The following PCDHGC3 variants were observed in gnomAD, a reference collection of about 807,000 sequenced individuals.
PCDHGC3 encodes the protein protocadherin gamma-C3.
In PCDHGC3, 26 loss-of-function variants were observed where a neutral mutation model predicts 59.2. That is an observed-to-expected ratio of 0.44 (90% CI 0.32 to 0.61). The LOEUF (loss-of-function observed/expected upper bound fraction) is 0.61, where lower values mean the gene tolerates loss of function less well. Ranked by LOEUF, PCDHGC3 falls within the 20% of genes least tolerant of loss-of-function variation. The probability of loss-of-function intolerance (pLI) is 0.05; values close to 1 mark genes in which losing one functional copy is unlikely to be tolerated. For missense variants in PCDHGC3, 1,080 were observed against 1,221.8 expected, an observed-to-expected ratio of 0.88 and a Z score of 1.73; for synonymous variants, 487 against 519.7, an observed-to-expected ratio of 0.94 and a Z score of 0.86.
rs529029548 is a variant in PCDHGC3 at position 141,483,337 on chromosome 5, T to C, written c.2430+4791T>C. 9.2e-5 allele frequency among the ~76,000 whole-genome samples: 14 copies of C among 152,260 alleles called. No homozygotes were observed. In the East Asian group the frequency reaches 2.5e-3, roughly 27 times the overall value. On this transcript the variant is annotated intron_variant, in intron 1 of 3. Transcript: ENST00000308177. Reference sequence around the variant, plus strand: ...TGGGACTGGAGGCAAAGAGATCTTATCTCTTTGCAATAGTTTGAAAGCTAT... The same window carrying C: ...TGGGACTGGAGGCAAAGAGATCTTACCTCTTTGCAATAGTTTGAAAGCTAT...
chr5:141,496,876 A>G (rs964149656), intron 2 of PCDHGC3, among the ~76,000 whole-genome samples: 1 of 149,154 alleles, frequency 6.7e-6, no homozygotes, highest in African/African-American at 2.5e-5. Flanking sequence ...AAAATTTGCA[A>G]CAAGTAACAC....
chr5:141,505,334 G>T, intron 2 of PCDHGC3, 59 bp from the exon 3 acceptor site: 1 of 1,611,326 alleles, frequency 6.2e-7, no homozygotes, highest in Non-Finnish European at 8.5e-7. Context: ...GAGAGGACAG[G>T]AGGGGCATGA....
rs1445356223 is a variant in PCDHGC3, at chr5:141,490,414, G to T, written c.2431-4393G>T. On this transcript the variant is annotated intron_variant, in intron 1 of 3. Transcript: ENST00000308177. This position sits in a 1 kb window ranked among gnomAD's most constrained non-coding sequence, Gnocchi z 5.4. ...TGAAGTGAGCCTTGATATCTCTCCGGACCTGCCATTTCAGATTAAGCCTTC... is the reference window on the plus strand; with the variant it reads ...TGAAGTGAGCCTTGATATCTCTCCGTACCTGCCATTTCAGATTAAGCCTTC... The T allele has an allele frequency of 1.2e-6, 2 of 1,614,138 alleles. No homozygotes were observed. The highest frequency in any genetic ancestry group is 1.7e-6 in the Non-Finnish European group (2 of 1,180,024).
intron 3 of PCDHGC3, among the ~76,000 whole-genome samples, chr5:141,505,766 C>T (rs1420683619): frequency 2.0e-5 from 3 of 151,768 alleles, no homozygotes; most frequent in African/African-American, 4.8e-5. Context: ...CAGTGTAGCT[C>T]AGGTCCTAGC....
Position 141,485,373 on chromosome 5 carries a change from C to T in PCDHGC3, c.2430+6827C>T. 2 of 1,614,136 alleles carry T rather than the reference C, an allele frequency of 1.2e-6. No homozygotes were observed. Among genetic ancestry groups the T allele is most frequent in the East Asian group, 2.2e-5 (1 of 44,868 alleles). On this transcript the variant is annotated intron_variant, in intron 1 of 3. Transcript: ENST00000308177. This position sits in a 1 kb window ranked among gnomAD's most constrained non-coding sequence, Gnocchi z 5.7. ...CTGTCAGCTCGCAGGCTGCAGGTCG[C>T]TGGAGAGGTGAACCAAAGACACTTC... is the stretch of plus-strand genomic sequence containing the variant.
intron 2 of PCDHGC3, among the ~76,000 whole-genome samples, chr5:141,496,123 C>T (rs2099766207): frequency 6.6e-6 from 1 of 152,098 alleles, no homozygotes; most frequent in African/African-American, 2.4e-5. Flanking sequence ...CTTCCCTGCC[C>T]CTCACACACT....
In PCDHGC3 at chr5:141,477,590, C is replaced by T. The variant is rs1465863595; in HGVS notation, c.1474C>T (p.Leu492Phe). The change falls in exon 1 of 4, where the codon CTT becomes TTT. Residue 492 changes from leucine (L) to phenylalanine (F), a missense_variant. By Grantham distance (22) the Leu-to-Phe change is conservative (BLOSUM62 0). Coordinates refer to ENST00000308177, the MANE Select transcript of PCDHGC3 (RefSeq NM_002588.4). This position sits in a 1 kb window ranked among gnomAD's most constrained non-coding sequence, Gnocchi z 4.9. ...WDPDAPQNAR[L>F]SFFLLEQGAE... ...CCCCGACGCCCCGCAGAATGCTCGG[C>T]TTTCTTTCTTTCTCTTGGAGCAAGG... The T allele has an allele frequency of 1.2e-6, 2 of 1,614,122 alleles. No individual in the cohort carries two copies. Among genetic ancestry groups the T allele is most frequent in the South Asian group, 2.2e-5 (2 of 91,080 alleles).
At chr5:141,499,272 GT>G (rs772636179) in intron 2 of PCDHGC3, among the ~76,000 whole-genome samples, 3 of 152,122 alleles carry the variant, frequency 2.0e-5, no homozygotes, top group Non-Finnish European at 4.4e-5. Flanking sequence ...TCCCTAGACT[GT>G]TCTCTGATGG....
In PCDHGC3 at chr5:141,490,000, A is replaced by G. The variant is rs762999106; in HGVS notation, c.2431-4807A>G. The G allele has an allele frequency of 6.2e-7, 1 of 1,614,198 alleles. No individual in the cohort carries two copies. Among genetic ancestry groups the G allele is most frequent in the Admixed American group, 1.7e-5 (1 of 60,032 alleles). ...AGTTCTACGTGTGGGAATCCCAGAG[A>G]ATGCACCCATTGGTACTCTGCTGCT... On this transcript the variant is annotated intron_variant, in intron 1 of 3. Coordinates refer to ENST00000308177, the MANE Select transcript of PCDHGC3 (RefSeq NM_002588.4). The surrounding 1 kb of genome is among the most constrained non-coding windows in gnomAD (Gnocchi z 4.5).
At position 141,502,499 on chromosome 5, in the gene PCDHGC3, C is replaced by T. The variant is rs552402476; in HGVS notation, c.2490-2894C>T. ...CATCACACTGGGACTCATCTAACGT[C>T]GGCCTGTCCCACTATCAGTGATGCC... On this transcript the variant is annotated intron_variant, in intron 2 of 3. Coordinates refer to ENST00000308177, the MANE Select transcript of PCDHGC3 (RefSeq NM_002588.4). Among the ~76,000 whole-genome samples, 24 of 152,240 alleles carry T rather than the reference C, an allele frequency of 1.6e-4. No homozygotes were observed. In the East Asian group the frequency reaches 4.1e-3, roughly 26 times the overall value.
intron 3 of PCDHGC3, among the ~76,000 whole-genome samples, chr5:141,507,772 A>C (rs2099863177): frequency 6.6e-6 from 1 of 152,332 alleles, no homozygotes; most frequent in South Asian, 2.1e-4. Flanking sequence ...TGGCCCACAC[A>C]GGGCCTGACC....
intron 2 of PCDHGC3, among the ~76,000 whole-genome samples, chr5:141,501,476 A>T (rs1274017343): frequency 3.3e-5 from 5 of 152,044 alleles, no homozygotes; most frequent in Admixed American, 3.3e-4. Context: ...ATCCTGGAAG[A>T]GTCCCTCATA....
chr5:141,490,589 A>G lies in PCDHGC3; in HGVS notation c.2431-4218A>G, dbSNP rs761250654. On this transcript the variant is annotated intron_variant, in intron 1 of 3. Transcript: ENST00000308177. The surrounding 1 kb of genome is among the most constrained non-coding windows in gnomAD (Gnocchi z 5.4). ...CTCAACATTTCAGATGTCAATGACA[A>G]TGCACCCCGCTTCAACCAGCAGCTT... The G allele has an allele frequency of 5.7e-5, 92 of 1,614,042 alleles. No individual in the cohort carries two copies. Among genetic ancestry groups the G allele is most frequent in the Non-Finnish European group, 7.6e-5 (90 of 1,180,036 alleles).
intron 2 of PCDHGC3, among the ~76,000 whole-genome samples, chr5:141,502,783 G>A (rs2099816035): frequency 6.6e-6 from 1 of 151,652 alleles, no homozygotes; most frequent in African/African-American, 2.4e-5. Context: ...AAAATTACCT[G>A]GATGATTTCT....
rs374663576 is a variant in PCDHGC3, at chr5:141,489,905, G to T, written c.2431-4902G>T. On this transcript the variant is annotated intron_variant, in intron 1 of 3. Coordinates refer to ENST00000308177, the MANE Select transcript of PCDHGC3 (RefSeq NM_002588.4). The surrounding 1 kb of genome is among the most constrained non-coding windows in gnomAD (Gnocchi z 4.5). ...GCTGTGGATGGGGGGACCCCAGCCC[G>T]CTCAGGGACCACCCTTATCTCTGTC... The T allele has an allele frequency of 9.7e-5, 156 of 1,614,226 alleles. 3 individuals are homozygous for T. The South Asian group carries it at 1.6e-3, about 16-fold the overall frequency.
rs1456184444 is a variant in PCDHGC3, at chr5:141,512,578, C to T, written c.*1405C>T. On this transcript the variant is annotated 3_prime_UTR_variant, in exon 4 of 4. Coordinates refer to ENST00000308177, the MANE Select transcript of PCDHGC3 (RefSeq NM_002588.4). ...ATAGACCTTCTTCTCCCACCCCCTT[C>T]TGCCCCTGGGTCCCCGGCCATCCAG... is the stretch of plus-strand genomic sequence containing the variant. 1 of 152,944 alleles carries T rather than the reference C, an allele frequency of 6.5e-6. No homozygotes were observed. The highest frequency in any genetic ancestry group is 1.5e-5 in the Non-Finnish European group (1 of 68,542). 9.5% of individuals were successfully genotyped at this position (152,944 alleles called of 1,614,324 possible). A position where few individuals can be genotyped will look rare whatever the true frequency, so the allele number is the denominator to read the frequency against.
At chr5:141,505,245 A>G (rs530515894) in intron 2 of PCDHGC3, 148 bp from the exon 3 acceptor site, 294 of 1,430,832 alleles carry the variant, frequency 2.1e-4, no homozygotes, top group Admixed American at 1.8e-3. Flanking sequence ...GAAGGATTGT[A>G]GAAGTGCCTC....
At chr5:141,479,849 C>T (rs1014214860) in intron 1 of PCDHGC3, among the ~76,000 whole-genome samples, 7 of 152,208 alleles carry the variant, frequency 4.6e-5, no homozygotes. Context: ...AAGGTGACTG[C>T]AAGGCCTTTG....
At position 141,491,067 on chromosome 5, in the gene PCDHGC3, G is replaced by T. The variant is rs752758445; in HGVS notation, c.2431-3740G>T. On this transcript the variant is annotated intron_variant, in intron 1 of 3. Transcript: ENST00000308177. The surrounding 1 kb of genome is among the most constrained non-coding windows in gnomAD (Gnocchi z 6.9). Reference sequence around the variant, plus strand: ...ACAATGCGTGGCTCTCCTACTCACTGTTGCCACAGTCCACAGCCCCAGGAC... The same window carrying T: ...ACAATGCGTGGCTCTCCTACTCACTTTTGCCACAGTCCACAGCCCCAGGAC... 1.2e-6 allele frequency: 2 copies of T among 1,614,200 alleles called. No homozygotes were observed. The highest frequency in any genetic ancestry group is 1.7e-6 in the Non-Finnish European group (2 of 1,180,040).
Sources: allele counts gnomAD v4.1 joint callset (sites outside exome capture counted in the v4.1 genomes callset), GRCh38; gene constraint gnomAD v4.1.1; non-coding constraint Gnocchi (gnomAD v3.1); transcripts MANE v1.5; gene names NCBI Gene and HGNC (gene_info 2026-07-23, HGNC 2026-07-21).